Variants in OR6J1 observed in about 807,000 individuals in gnomAD.
OR6J1 encodes olfactory receptor family 6 subfamily J member 1.
For missense variants in OR6J1, 304 were observed against 166.8 expected (o/e 1.82, Z -4.53); for synonymous variants, 109 against 70.0 (o/e 1.56, Z -2.78).
rs1177590686 is a variant in OR6J1 at position 22,639,299 on chromosome 14, C to T, written c.-27-4461G>A. Among the ~76,000 whole-genome samples the T allele has an allele frequency of 1.4e-4, 18 of 129,066 alleles. 1 individual carries two copies. Among genetic ancestry groups the T allele is most frequent in the East Asian group, 1.0e-3 (5 of 4,808 alleles). 84.7% of individuals were successfully genotyped at this position (129,066 alleles called of 152,430 possible). A position where few individuals can be genotyped will look rare whatever the true frequency, so the allele number is the denominator to read the frequency against. On this transcript the variant is annotated intron_variant, in intron 1 of 1. Coordinates refer to ENST00000540461, the MANE Select transcript of OR6J1 (RefSeq NM_001348233.2). ...GAGGTGAGGGGCGCCTCTGCCCGGC[C>T]GCCCCTACTGGGAAGTGAGGAGCCC... is the stretch of plus-strand genomic sequence containing the variant.
intron 1 of OR6J1, among the ~76,000 whole-genome samples, chr14:22,642,312 AATATATATAT>A (rs71421135): frequency 0.051 from 5,547 of 109,076 alleles, 263 homozygotes; most frequent in Middle Eastern, 0.096. Flanking sequence ...TCAACTTAAG[AATATATATAT>A]ATATATATAT....
intron 1 of OR6J1, among the ~76,000 whole-genome samples, chr14:22,642,716 T>C (rs1448936769): frequency 6.6e-6 from 1 of 152,224 alleles, no homozygotes; most frequent in Non-Finnish European, 1.5e-5. Flanking sequence ...ATTTGCCTAT[T>C]CTGGACATTT....
At chr14:22,643,750 C>CAG (rs2037668703) in intron 1 of OR6J1, among the ~76,000 whole-genome samples, 2 of 107,640 alleles carry the variant, frequency 1.9e-5, no homozygotes, top group African/African-American at 7.4e-5. Flanking sequence ...CACACACACA[C>CAG]ACACACACAC....
intron 1 of OR6J1, among the ~76,000 whole-genome samples, chr14:22,638,040 C>T (rs1399840132): frequency 9.2e-6 from 1 of 108,436 alleles, no homozygotes; most frequent in Non-Finnish European, 1.8e-5. Context: ...GGGGGGTCAG[C>T]CCCCCGCCTG....
intron 1 of OR6J1, among the ~76,000 whole-genome samples, chr14:22,637,875 G>A (rs1358616577): frequency 2.9e-5 from 1 of 34,044 alleles, no homozygotes; most frequent in South Asian, 1.0e-3. Flanking sequence ...GGGTGGGGTC[G>A]GCCAGCCGCC....
Position 22,637,186 on chromosome 14 carries a change from G to A in OR6J1, c.-27-2348C>T, listed in dbSNP as rs1179615325. 1.7e-4 allele frequency among the ~76,000 whole-genome samples: 17 copies of A among 100,312 alleles called. 1 individual carries two copies. Among genetic ancestry groups the A allele is most frequent in the South Asian group, 5.5e-4 (2 of 3,614 alleles). The allele number at this position is 100,312 out of a possible 152,430, so 65.8% of individuals were successfully genotyped here. A position where few individuals can be genotyped will look rare whatever the true frequency, so the allele number is the denominator to read the frequency against. The stretch of plus-strand genomic sequence containing the variant: ...AAACCCTCTGCCTGGCAACCGCCCC[G>A]TCTGAGAAGTGAGGAGCCCCTCCGT... On this transcript the variant is annotated intron_variant, in intron 1 of 1. Transcript: ENST00000540461.
Position 22,634,278 on chromosome 14 carries a change from A to G in OR6J1, c.534T>C (p.Cys178=). 1.4e-6 allele frequency: 1 copy of G among 703,396 alleles called. No homozygotes were observed. 43.6% of individuals were successfully genotyped at this position (703,396 alleles called of 1,614,324 possible). ...CCAGGGCCAGCAAGGGTCCACTGTC[A>G]CAGAAGAAGTGGTTAATGATATTGG... ...CGSNIINHFF[C]DSGPLLALAC... is the part of the protein sequence containing the mutation. Residue 178 remains cysteine (C), a synonymous_variant, in exon 2 of 2, where the codon TGT becomes TGC. Transcript: ENST00000540461.
At chr14:22,640,696 C>G (rs1418957402) in intron 1 of OR6J1, among the ~76,000 whole-genome samples, 1 of 151,056 alleles carries the variant, frequency 6.6e-6, no homozygotes, top group Admixed American at 6.6e-5. Context: ...TTTGCCATTA[C>G]TTTTCGTAGC....
At position 22,637,000 on chromosome 14, in the gene OR6J1, G is replaced by A; in HGVS notation, c.-27-2162C>T. 2.4e-5 allele frequency among the ~76,000 whole-genome samples: 3 copies of A among 126,900 alleles called. 1 individual carries two copies. Among genetic ancestry groups the A allele is most frequent in the African/African-American group, 1.2e-4 (3 of 25,234 alleles). 83.3% of individuals were successfully genotyped at this position (126,900 alleles called of 152,430 possible). On this transcript the variant is annotated intron_variant, in intron 1 of 1. Transcript: ENST00000540461. Reference sequence around the variant, plus strand: ...CTCTTCCCGGCCGCCTTCCCATCTAGGAAGTGAGGAGCGTCTCTGCCCGGC... The same window carrying A: ...CTCTTCCCGGCCGCCTTCCCATCTAAGAAGTGAGGAGCGTCTCTGCCCGGC...
chr14:22,639,204 C>A (rs1434947459), intron 1 of OR6J1, among the ~76,000 whole-genome samples: 7 of 118,396 alleles, frequency 5.9e-5, no homozygotes, highest in South Asian at 2.4e-4. Context: ...CGTCTCCGCC[C>A]GGCAGCCACC....
Position 22,633,060 on chromosome 14 carries a change from A to G in OR6J1, c.*708T>C, listed in dbSNP as rs57345974. The G allele has an allele frequency of 0.23, 35,260 of 152,008 alleles. 4,369 individuals carry two copies. Among genetic ancestry groups the G allele is most frequent in the African/African-American group, 0.32 (13,296 of 41,384 alleles). The allele number at this position is 152,008 out of a possible 1,614,324, so 9.4% of individuals were successfully genotyped here. On this transcript the variant is annotated 3_prime_UTR_variant, in exon 2 of 2. Transcript: ENST00000540461. ...TTTCTCAAAAAAGTCGTATCTGTTT[A>G]CACAGCTCCTCTGGTCCAGCCAAGC...
At chr14:22,636,200 A>C (rs772227969) in intron 1 of OR6J1, among the ~76,000 whole-genome samples, 2 of 148,632 alleles carry the variant, frequency 1.3e-5, no homozygotes, top group Admixed American at 6.8e-5. Context: ...TTAGTAATTA[A>C]GGAAATATAA....
rs111609908 is a variant in OR6J1, at chr14:22,632,321, A to G, written c.*1447T>C. On this transcript the variant is annotated 3_prime_UTR_variant, in exon 2 of 2. Coordinates refer to ENST00000540461, the MANE Select transcript of OR6J1 (RefSeq NM_001348233.2). ...AGTGGCTCATGCCTCTAATCCCAGC[A>G]CTTTGGGAGGCCGATGTGGGCAGAT... The G allele has an allele frequency of 0.23, 34,307 of 151,220 alleles. 4,212 individuals are homozygous for G. Among genetic ancestry groups the G allele is most frequent in the African/African-American group, 0.31 (12,599 of 40,952 alleles). The allele number at this position is 151,220 out of a possible 1,614,324, so 9.4% of individuals were successfully genotyped here.
chr14:22,640,485 A>T (rs72679833), intron 1 of OR6J1, among the ~76,000 whole-genome samples: 24,735 of 118,046 alleles, frequency 0.21, 3,070 homozygotes, highest in African/African-American at 0.3. Flanking sequence ...GTGAGAATGT[A>T]TTTTTTTTTT....
chr14:22,639,108 G>A (rs1326966290), intron 1 of OR6J1, among the ~76,000 whole-genome samples: 2 of 91,932 alleles, frequency 2.2e-5, no homozygotes, highest in Non-Finnish European at 4.2e-5. Flanking sequence ...TCTGAGAAGT[G>A]AGGAGCCCCT....
At chr14:22,638,875 GAGGAGCGC>G in intron 1 of OR6J1, among the ~76,000 whole-genome samples, 1 of 95,460 alleles carries the variant, frequency 1.0e-5, no homozygotes, top group Non-Finnish European at 2.2e-5. Context: ...TCTAGGAAGT[GAGGAGCGC>G]CTCTTCCCAG....
intron 1 of OR6J1, among the ~76,000 whole-genome samples, chr14:22,643,338 C>T (rs1358617810): frequency 1.3e-5 from 2 of 151,590 alleles, no homozygotes; most frequent in Non-Finnish European, 2.9e-5. Context: ...CTCTGTCACC[C>T]AGGCTGGAGT....
rs1349811257 is a variant in OR6J1 at position 22,633,135 on chromosome 14, T to G, written c.*633A>C. ...AGTCTCTTAGGTGTGCAAGTGTCCCTGCAGGTGATGGGTTATGCCTTCAGT... is the reference window on the plus strand; with the variant it reads ...AGTCTCTTAGGTGTGCAAGTGTCCCGGCAGGTGATGGGTTATGCCTTCAGT... On this transcript the variant is annotated 3_prime_UTR_variant, in exon 2 of 2. Transcript: ENST00000540461. 4 of 152,956 alleles carry G rather than the reference T, an allele frequency of 2.6e-5. No homozygotes were observed. Among genetic ancestry groups the G allele is most frequent in the Middle Eastern group, 3.2e-3 (1 of 316 alleles). The allele number at this position is 152,956 out of a possible 1,614,324, so 9.5% of individuals were successfully genotyped here.
Position 22,634,888 on chromosome 14 carries a change from A to G in OR6J1, c.-27-50T>C, listed in dbSNP as rs2037573515. ...CTTAAGAGAGTGTTCAGTGGATGAA[A>G]CCCCATGGCTGCTCACTAGAAAAAT... On this transcript the variant is annotated intron_variant, in intron 1 of 1. Coordinates refer to ENST00000540461, the MANE Select transcript of OR6J1 (RefSeq NM_001348233.2). The G allele has an allele frequency of 1.9e-5, 11 of 593,990 alleles. No individual in the cohort carries two copies. The South Asian group carries it at 2.3e-4, about 12-fold the overall frequency. The allele number at this position is 593,990 out of a possible 1,614,324, so 36.8% of individuals were successfully genotyped here.
Sources: gnomAD v4.1 joint callset for allele counts (sites outside exome capture counted in the v4.1 genomes callset) on GRCh38, gnomAD v4.1.1 for gene constraint, MANE v1.5 for transcripts, NCBI Gene and HGNC (gene_info 2026-07-23, HGNC 2026-07-21) for gene names.